Variants in PRKCG observed in about 807,000 individuals in gnomAD.
PRKCG encodes protein kinase C gamma.
PRKCG carries 28 observed loss-of-function variants against 82.0 expected under a neutral mutation model. The observed-to-expected ratio is 0.34, with a 90% CI of 0.25 to 0.47. The LOEUF is 0.47. Ranked by LOEUF, PRKCG falls within the 20% of genes least tolerant of loss-of-function variation. PRKCG has a pLI of 1.00. For synonymous variants in PRKCG, 383 were observed against 376.6 expected, an observed-to-expected ratio of 1.02 and a Z score of -0.20; for missense variants, 640 against 952.7, an observed-to-expected ratio of 0.67 and a Z score of 4.32.
intron 9 of PRKCG, among the ~76,000 whole-genome samples, chr19:53,895,068 T>C (rs1021473977): frequency 2.0e-5 from 3 of 152,134 alleles, no homozygotes; most frequent in African/African-American, 7.2e-5. Context: ...AAAAATACTT[T>C]ACAGAGCATC....
At chr19:53,894,057 G>T (rs2068699817) in intron 9 of PRKCG, among the ~76,000 whole-genome samples, 2 of 150,694 alleles carry the variant, frequency 1.3e-5, no homozygotes, top group African/African-American at 4.9e-5. Flanking sequence ...GCGCCCGACC[G>T]ATTCTTGAGT....
At position 53,893,793 on chromosome 19, in the gene PRKCG, G is replaced by A. The variant is rs185048342; in HGVS notation, c.939+402G>A. Among the ~76,000 whole-genome samples the A allele has an allele frequency of 3.0e-3, 431 of 145,442 alleles. 1 individual carries two copies. Among genetic ancestry groups the A allele is most frequent in the African/African-American group, 7.6e-3 (299 of 39,204 alleles). On this transcript the variant is annotated intron_variant, in intron 9 of 17. Transcript: ENST00000263431. ...TTTTATTTTTATTTTTATTTCTGTC[G>A]CCCAGGCTGGAGTGCAATGGCACAA...
At chr19:53,903,245 A>T (rs2068778386) in intron 15 of PRKCG, 92 bp downstream of exon 15, 1 of 987,924 alleles carries the variant, frequency 1.0e-6, no homozygotes, top group Non-Finnish European at 1.6e-6. Context: ...GGAGCCCAGA[A>T]GGTTGTGCTC....
At position 53,900,088 on chromosome 19, in the gene PRKCG, G is replaced by A; in HGVS notation, c.1282-145G>A. 1.3e-6 allele frequency: 1 copy of A among 772,158 alleles called. No homozygotes were observed. Among genetic ancestry groups the A allele is most frequent in the Non-Finnish European group, 2.3e-6 (1 of 443,180 alleles). 47.8% of individuals were successfully genotyped at this position (772,158 alleles called of 1,614,324 possible). On this transcript the variant is annotated intron_variant, in intron 11 of 17. Transcript: ENST00000263431. The surrounding 1 kb of genome is among the most constrained non-coding windows in gnomAD (Gnocchi z 4.2). ...GAGGTAGCAGGATTAGCACCTTAGG[G>A]CCCTCCCAGGGATGTGGCTAGGTGC...
intron 9 of PRKCG, 112 bp from the exon 10 acceptor site, chr19:53,897,847 T>C (rs1568758313): frequency 3.4e-6 from 5 of 1,487,094 alleles, no homozygotes; most frequent in Non-Finnish European, 4.6e-6. Flanking sequence ...CATTTTCCTC[T>C]GTCTAGCGAT....
rs1287259603 is a variant in PRKCG at position 53,892,760 on chromosome 19, A to G, written c.821+117A>G. 2,372 of 854,924 alleles carry G rather than the reference A, an allele frequency of 2.8e-3. 62 individuals are homozygous for G. The highest frequency in any genetic ancestry group is 3.6e-3 in the Non-Finnish European group (2,220 of 618,152). The allele number at this position is 854,924 out of a possible 1,614,324, so 53.0% of individuals were successfully genotyped here. ...TCTGCCTCCCAGCATGCGCACACAC[A>G]CACACACACACACACACACACGCAC... is the stretch of plus-strand genomic sequence containing the variant. On this transcript the variant is annotated intron_variant, in intron 7 of 17. Transcript: ENST00000263431. The surrounding 1 kb of genome is among the most constrained non-coding windows in gnomAD (Gnocchi z 5.9).
At chr19:53,893,105 C>G (rs773224198) in intron 8 of PRKCG, 30 bp downstream of exon 8, 2 of 1,588,442 alleles carry the variant, frequency 1.3e-6, no homozygotes, top group Non-Finnish European at 1.7e-6. Context: ...CTCAAGGGAG[C>G]CCAGCCCAGC....
intron 15 of PRKCG, among the ~76,000 whole-genome samples, chr19:53,904,222 C>T (rs988369886): frequency 1.3e-5 from 2 of 151,532 alleles, no homozygotes; most frequent in African/African-American, 4.9e-5. Context: ...ATGATGAAAC[C>T]CCATCTCTAA....
intron 15 of PRKCG, among the ~76,000 whole-genome samples, chr19:53,904,269 GA>G (rs745689903): frequency 5.3e-5 from 8 of 151,648 alleles, no homozygotes; most frequent in Non-Finnish European, 2.9e-5. Context: ...AACCTCAGAA[GA>G]CTGTGAACTA....
Position 53,892,463 on chromosome 19 carries a change from A to G in PRKCG, c.687-46A>G, listed in dbSNP as rs1469170527. ...GCACCAAGGATGGGGAACCGAGGGG[A>G]GCCATGAGCTCGGCTCTGCACCCCA... On this transcript the variant is annotated intron_variant, in intron 6 of 17. Transcript: ENST00000263431. The surrounding 1 kb of genome is among the most constrained non-coding windows in gnomAD (Gnocchi z 5.9). The G allele has an allele frequency of 1.3e-6, 2 of 1,594,504 alleles. No homozygotes were observed. Among genetic ancestry groups the G allele is most frequent in the Admixed American group, 3.5e-5 (2 of 57,902 alleles).
chr19:53,894,466 C>CT (rs768693020), intron 9 of PRKCG, among the ~76,000 whole-genome samples: 271 of 137,548 alleles, frequency 2.0e-3, no homozygotes, highest in African/African-American at 3.8e-3. Context: ...TTCTTTCTTT[C>CT]TTTTTTTTTT....
chr19:53,892,788 A>G lies in PRKCG; in HGVS notation c.821+145A>G, dbSNP rs41275814. On this transcript the variant is annotated intron_variant, in intron 7 of 17. Transcript: ENST00000263431. This position sits in a 1 kb window ranked among gnomAD's most constrained non-coding sequence, Gnocchi z 5.9. ...CACACACACACACACACACGCACACACACGCACACACCCCTCTCTCTCTAT... is the reference window on the plus strand; with the variant it reads ...CACACACACACACACACACGCACACGCACGCACACACCCCTCTCTCTCTAT... 0.025 allele frequency: 17,573 copies of G among 692,298 alleles called. 160 individuals carry two copies. The highest frequency in any genetic ancestry group is 0.063 in the African/African-American group (1,379 of 21,828). 42.9% of individuals were successfully genotyped at this position (692,298 alleles called of 1,614,324 possible). A position where few individuals can be genotyped will look rare whatever the true frequency, so the allele number is the denominator to read the frequency against.
chr19:53,906,074 TCCTC>T, intron 16 of PRKCG, among the ~76,000 whole-genome samples: 2 of 67,654 alleles, frequency 3.0e-5, no homozygotes, highest in African/African-American at 2.5e-4. Context: ...CTCCTCCTCC[TCCTC>T]CTCCTCCTTC....
At chr19:53,891,524 C>T (rs984467567) in intron 5 of PRKCG, 150 bp from the exon 6 acceptor site, 29 of 892,276 alleles carry the variant, frequency 3.3e-5, no homozygotes, top group African/African-American at 4.9e-5. Flanking sequence ...CCTTGTGATC[C>T]GCCCGCCTTG....
In PRKCG at chr19:53,884,306, T is replaced by G; in HGVS notation, c.285+63T>G. On this transcript the variant is annotated intron_variant, in intron 3 of 17. Transcript: ENST00000263431. The surrounding 1 kb of genome is among the most constrained non-coding windows in gnomAD (Gnocchi z 4.6). Reference sequence around the variant, plus strand: ...TGCCCCCGCCCTCACCCCCTCGGCGTCCGTCCCAATTTCTCCTGCTATTTT... The same window carrying G: ...TGCCCCCGCCCTCACCCCCTCGGCGGCCGTCCCAATTTCTCCTGCTATTTT... 1 of 1,457,266 alleles carries G rather than the reference T, an allele frequency of 6.9e-7. No homozygotes were observed. Among genetic ancestry groups the G allele is most frequent in the African/African-American group, 1.4e-5 (1 of 71,682 alleles). 90.3% of individuals were successfully genotyped at this position (1,457,266 alleles called of 1,614,324 possible). A position where few individuals can be genotyped will look rare whatever the true frequency, so the allele number is the denominator to read the frequency against.
Position 53,884,094 on chromosome 19 carries a change from G to A in PRKCG, c.203-67G>A, listed in dbSNP as rs946268290. ...TTCCGCTCTCTCTTTCCAATTTTCT[G>A]TCTGCTGGGGTCTCCCGCTGGACTA... On this transcript the variant is annotated intron_variant, in intron 2 of 17. Transcript: ENST00000263431. The surrounding 1 kb of genome is among the most constrained non-coding windows in gnomAD (Gnocchi z 4.6). The A allele has an allele frequency of 4.7e-6, 7 of 1,499,180 alleles. No individual in the cohort carries two copies. The highest frequency in any genetic ancestry group is 6.5e-6 in the Non-Finnish European group (7 of 1,077,708). 92.9% of individuals were successfully genotyped at this position (1,499,180 alleles called of 1,614,324 possible).
At chr19:53,906,516 C>G in intron 17 of PRKCG, 59 bp downstream of exon 17, 2 of 1,568,682 alleles carry the variant, frequency 1.3e-6, no homozygotes, top group South Asian at 2.3e-5. Context: ...TTCCCCTGGG[C>G]CTCAATATAC....
chr19:53,902,993 C>T (rs767323705), intron 14 of PRKCG, 80 bp from the exon 15 acceptor site: 190 of 961,666 alleles, frequency 2.0e-4, no homozygotes, highest in Middle Eastern at 4.2e-4. Flanking sequence ...ACGTGGGTAG[C>T]GCTCCCAGGG....
Position 53,900,294 on chromosome 19 carries a change from A to C in PRKCG, c.1343A>C (p.Gln448Pro), listed in dbSNP as rs778623561. The C allele has an allele frequency of 6.2e-7, 1 of 1,614,180 alleles. No individual in the cohort carries two copies. The highest frequency in any genetic ancestry group is 1.7e-5 in the Admixed American group (1 of 60,024). ...GGAGACTTGATGTACCACATTCAACAGCTGGGCAAGTTTAAGGAGCCCCAT... is the reference window on the plus strand; with the variant it reads ...GGAGACTTGATGTACCACATTCAACCGCTGGGCAAGTTTAAGGAGCCCCAT... ...TGGDLMYHIQQLGKFKEPHAA... is the reference protein window; with the variant it reads ...TGGDLMYHIQPLGKFKEPHAA... Residue 448 changes from glutamine to proline, a missense_variant, in exon 12 of 18, where the codon CAG (glutamine) becomes CCG (proline). By Grantham distance (76) the Gln-to-Pro change is moderately conservative. Coordinates refer to ENST00000263431, the MANE Select transcript of PRKCG (RefSeq NM_002739.5). The surrounding 1 kb of genome is among the most constrained non-coding windows in gnomAD (Gnocchi z 4.2).
Sources: gnomAD v4.1 joint callset for allele counts (sites outside exome capture counted in the v4.1 genomes callset) on GRCh38, gnomAD v4.1.1 for gene constraint, Gnocchi (gnomAD v3.1) non-coding constraint, MANE v1.5 for transcripts, NCBI Gene and HGNC (gene_info 2026-07-23, HGNC 2026-07-21) for gene names.